Variants in RGS17 observed in about 807,000 individuals in gnomAD.
RGS17 encodes the protein regulator of G-protein signaling 17.
Under a neutral mutation model 25.5 loss-of-function variants are expected in RGS17, and 12 were observed. The ratio of observed to expected loss-of-function variants is 0.47; its 90% CI spans 0.30 to 0.76. RGS17 has a LOEUF of 0.76. Among genes scored for constraint, RGS17 ranks in the 30% least tolerant of loss-of-function variants. The pLI is 0.07. For synonymous variants in RGS17, 71 were observed against 76.9 expected (o/e 0.92, Z 0.40); for missense variants, 196 against 242.2 (o/e 0.81, Z 1.27).
chr6:153,007,454 G>A lies in RGS17; in HGVS notation c.*4120C>T, dbSNP rs1471337294. ...AAACTGTCAATGTAAACAGATAGGC[G>A]AAAATATTTTTTGGAAATATCTTTA... is the stretch of plus-strand genomic sequence containing the variant. On this transcript the variant is annotated 3_prime_UTR_variant, in exon 5 of 5. Transcript: ENST00000206262. 1.3e-5 allele frequency: 2 copies of A among 151,978 alleles called. No individual in the cohort carries two copies. Among genetic ancestry groups the A allele is most frequent in the Admixed American group, 6.6e-5 (1 of 15,240 alleles). 9.4% of individuals were successfully genotyped at this position (151,978 alleles called of 1,614,324 possible).
intron 1 of RGS17, among the ~76,000 whole-genome samples, chr6:153,063,943 G>A (rs1352946316): frequency 7.4e-6 from 1 of 134,596 alleles, no homozygotes; most frequent in Non-Finnish European, 1.6e-5. Flanking sequence ...CATAACATAT[G>A]TAAAGTGCTG....
chr6:153,071,920 A>G (rs1200692284), intron 1 of RGS17, among the ~76,000 whole-genome samples: 1 of 152,146 alleles, frequency 6.6e-6, no homozygotes, highest in Non-Finnish European at 1.5e-5. Flanking sequence ...TGAGATATTA[A>G]TTAATTTACC....
chr6:153,124,886 T>C (rs969256353), intron 1 of RGS17, among the ~76,000 whole-genome samples: 3 of 152,182 alleles, frequency 2.0e-5, no homozygotes, highest in African/African-American at 7.2e-5. Context: ...TAGGGTCGTC[T>C]ACCAAGAGCC....
rs192729221 is a variant in RGS17, at chr6:153,100,974, G to A, written c.-26+30150C>T. ...TTTCTGTCCATAAATCTTCTAACATGTGGCTGTACTGGAGTCTCTCTGAGC... is the reference window on the plus strand; with the variant it reads ...TTTCTGTCCATAAATCTTCTAACATATGGCTGTACTGGAGTCTCTCTGAGC... On this transcript the variant is annotated intron_variant, in intron 1 of 4. Coordinates refer to ENST00000206262, the MANE Select transcript of RGS17 (RefSeq NM_012419.5). Among the ~76,000 whole-genome samples, 15 of 152,286 alleles carry A rather than the reference G, an allele frequency of 9.8e-5. No individual in the cohort carries two copies. In the East Asian group the frequency reaches 2.9e-3, roughly 29 times the overall value.
chr6:153,109,817 C>T (rs975750916), intron 1 of RGS17, among the ~76,000 whole-genome samples: 3 of 152,190 alleles, frequency 2.0e-5, no homozygotes, highest in Admixed American at 6.5e-5. Flanking sequence ...TTTGCTTGTC[C>T]GGAACCTTGG....
At chr6:153,061,348 C>G (rs1776635706) in intron 1 of RGS17, among the ~76,000 whole-genome samples, 1 of 152,136 alleles carries the variant, frequency 6.6e-6, no homozygotes, top group Non-Finnish European at 1.5e-5. Flanking sequence ...AATATAGAGT[C>G]ATAATGTGTT....
intron 2 of RGS17, among the ~76,000 whole-genome samples, chr6:153,042,487 C>G (rs1776335117): frequency 6.6e-6 from 1 of 152,184 alleles, no homozygotes; most frequent in African/African-American, 2.4e-5. Flanking sequence ...GTAAGACATG[C>G]CTTTGCTCCT....
chr6:153,082,199 C>A (rs1428221916), intron 1 of RGS17, among the ~76,000 whole-genome samples: 1 of 152,074 alleles, frequency 6.6e-6, no homozygotes, highest in Non-Finnish European at 1.5e-5. Context: ...TGTATATTGG[C>A]GTGGTTTATC....
intron 1 of RGS17, among the ~76,000 whole-genome samples, chr6:153,059,234 T>C (rs183361936): frequency 6.6e-6 from 1 of 152,320 alleles, no homozygotes; most frequent in East Asian, 1.9e-4. Context: ...CTGAATCAGA[T>C]TAGCACCAGC....
chr6:153,024,262 C>A lies in RGS17; in HGVS notation c.444G>T (p.Glu148Asp). The A allele has an allele frequency of 6.3e-7, 1 of 1,598,064 alleles. No individual in the cohort carries two copies. The highest frequency in any genetic ancestry group is 8.6e-7 in the Non-Finnish European group (1 of 1,167,422). The change falls in exon 4 of 5, where the codon GAG (glutamate) becomes GAT (aspartate). Residue 148 changes from glutamate (E) to aspartate (D), a missense_variant and splice_region_variant. Glu to Asp is a conservative substitution (Grantham distance 45). Transcript: ENST00000206262. ...ACCTCAATGTTTTCCAGATTTTTAC[C>A]TCTTTTGGTGATAGTATAGAAATGT... ...EDYISILSPK[E>D]VSLDSRVREV...
rs975196514 is a variant in RGS17 at position 153,069,739 on chromosome 6, C to T, written c.-25-25696G>A. On this transcript the variant is annotated intron_variant, in intron 1 of 4. Transcript: ENST00000206262. ...ATGTACCCCATACATATATACACCT[C>T]GTGTGTGTGTGTGTGTGTGTGTGTG... is the stretch of plus-strand genomic sequence containing the variant. 1.3e-4 allele frequency among the ~76,000 whole-genome samples: 18 copies of T among 141,046 alleles called. No individual in the cohort carries two copies. In the South Asian group the frequency reaches 4.2e-3, roughly 33 times the overall value. The allele number at this position is 141,046 out of a possible 152,430, so 92.5% of individuals were successfully genotyped here.
In RGS17 at chr6:153,130,147, G is replaced by T. The variant is rs576722886; in HGVS notation, c.-26+977C>A. Among the ~76,000 whole-genome samples the T allele has an allele frequency of 1.3e-5, 2 of 152,266 alleles. No individual in the cohort carries two copies. Among genetic ancestry groups the T allele is most frequent in the South Asian group, 2.1e-4 (1 of 4,826 alleles). On this transcript the variant is annotated intron_variant, in intron 1 of 4. Coordinates refer to ENST00000206262, the MANE Select transcript of RGS17 (RefSeq NM_012419.5). This position sits in a 1 kb window ranked among gnomAD's most constrained non-coding sequence, Gnocchi z 6.4. ...CCCCTAGTCCTCCGGCATTTATTCAGGGAGACAGGGAGGCAGAGAGAAGAG... is the reference window on the plus strand; with the variant it reads ...CCCCTAGTCCTCCGGCATTTATTCATGGAGACAGGGAGGCAGAGAGAAGAG...
chr6:153,007,493 T>C lies in RGS17; in HGVS notation c.*4081A>G, dbSNP rs1030807116. 6.6e-6 allele frequency: 1 copy of C among 152,182 alleles called. No individual in the cohort carries two copies. The highest frequency in any genetic ancestry group is 1.5e-5 in the Non-Finnish European group (1 of 68,028). 9.4% of individuals were successfully genotyped at this position (152,182 alleles called of 1,614,324 possible). On this transcript the variant is annotated 3_prime_UTR_variant, in exon 5 of 5. Transcript: ENST00000206262. ...GAAATATCTTTACCATCTTTCAAAATAATTAGGCAATGTGTCAAGATCAAA... is the reference window on the plus strand; with the variant it reads ...GAAATATCTTTACCATCTTTCAAAACAATTAGGCAATGTGTCAAGATCAAA...
chr6:153,005,844 A>G lies in RGS17; in HGVS notation c.*5730T>C, dbSNP rs1362803267. The G allele has an allele frequency of 6.6e-6, 1 of 152,264 alleles. No homozygotes were observed. Among genetic ancestry groups the G allele is most frequent in the Non-Finnish European group, 1.5e-5 (1 of 68,060 alleles). 9.4% of individuals were successfully genotyped at this position (152,264 alleles called of 1,614,324 possible). A position where few individuals can be genotyped will look rare whatever the true frequency, so the allele number is the denominator to read the frequency against. ...AATGGGATCCTGGGACAGAAAAAGGACATTAGGTTATAAACTAAGGAAATC... is the reference window on the plus strand; with the variant it reads ...AATGGGATCCTGGGACAGAAAAAGGGCATTAGGTTATAAACTAAGGAAATC... On this transcript the variant is annotated 3_prime_UTR_variant, in exon 5 of 5. Transcript: ENST00000206262.
At chr6:153,054,098 A>ATATGTGTGTG (rs1554238284) in intron 1 of RGS17, among the ~76,000 whole-genome samples, 1 of 88,760 alleles carries the variant, frequency 1.1e-5, no homozygotes, top group African/African-American at 4.8e-5. Flanking sequence ...TTTTTTATAT[A>ATATGTGTGTG]TATATATATA....
At chr6:153,011,806 A>G (rs758781981) in intron 4 of RGS17, 44 bp from the exon 5 acceptor site, 2 of 1,405,594 alleles carry the variant, frequency 1.4e-6, no homozygotes, top group Non-Finnish European at 1.9e-6. Flanking sequence ...TATTTTTTTC[A>G]AAAGACCTCA....
intron 1 of RGS17, among the ~76,000 whole-genome samples, chr6:153,101,396 C>T (rs983566107): frequency 6.6e-6 from 1 of 152,142 alleles, no homozygotes; most frequent in Admixed American, 6.5e-5. Flanking sequence ...TGGTTATCCT[C>T]GGGTGGTCAT....
chr6:153,129,242 C>A (rs116959706), intron 1 of RGS17, among the ~76,000 whole-genome samples: 1 of 152,278 alleles, frequency 6.6e-6, no homozygotes, highest in East Asian at 1.9e-4. Flanking sequence ...AATCCAGTCT[C>A]CCATGAGTGT....
intron 1 of RGS17, among the ~76,000 whole-genome samples, chr6:153,090,751 A>G (rs1298323290): frequency 1.3e-5 from 2 of 152,214 alleles, no homozygotes; most frequent in African/African-American, 4.8e-5. Flanking sequence ...CCCTTTGTCC[A>G]GCGTGTCCAT....
Sources: allele counts gnomAD v4.1 joint callset (sites outside exome capture counted in the v4.1 genomes callset), GRCh38; gene constraint gnomAD v4.1.1; non-coding constraint Gnocchi (gnomAD v3.1); transcripts MANE v1.5; gene names NCBI Gene and HGNC (gene_info 2026-07-23, HGNC 2026-07-21).